Variants in NCOA7 observed in about 807,000 individuals in gnomAD.
NCOA7 encodes the protein 140 kDa estrogen receptor-associated protein.
Under a neutral mutation model 104.3 loss-of-function variants are expected in NCOA7, and 45 were observed. That is an observed-to-expected ratio of 0.43 (90% CI 0.34 to 0.55). NCOA7 has a LOEUF of 0.55. Among genes scored for constraint, NCOA7 ranks in the 20% least tolerant of loss-of-function variants. The probability of loss-of-function intolerance (pLI) is 0.02; values close to 1 mark genes in which losing one functional copy is unlikely to be tolerated. For missense variants in NCOA7, 1,041 were observed against 1,119.7 expected, an observed-to-expected ratio of 0.93 and a Z score of 1.00; for synonymous variants, 398 against 402.3, an observed-to-expected ratio of 0.99 and a Z score of 0.13.
Position 125,929,568 on chromosome 6 carries a change from T to C in NCOA7, c.*797T>C, listed in dbSNP as rs1788341020. 6.6e-6 allele frequency: 1 copy of C among 152,148 alleles called. No individual in the cohort carries two copies. The highest frequency in any genetic ancestry group is 6.5e-5 in the Admixed American group (1 of 15,284). The allele number at this position is 152,148 out of a possible 1,614,324, so 9.4% of individuals were successfully genotyped here. A position where few individuals can be genotyped will look rare whatever the true frequency, so the allele number is the denominator to read the frequency against. ...AATTTCTAAAAACTCATTATGAATG[T>C]TCATCAATTTGACTATTATAGGCCA... On this transcript the variant is annotated 3_prime_UTR_variant, in exon 16 of 16. Transcript: ENST00000392477.
chr6:125,815,330 T>C lies in NCOA7; in HGVS notation c.-25T>C. ...GATTAAAAAGAGGGACTTTTTCAAATACTTTGCACTTTTGATTGTGTATTA... is the reference window on the plus strand; with the variant it reads ...GATTAAAAAGAGGGACTTTTTCAAACACTTTGCACTTTTGATTGTGTATTA... On this transcript the variant is annotated 5_prime_UTR_variant, in exon 2 of 16. Transcript: ENST00000392477. 1 of 1,580,048 alleles carries C rather than the reference T, an allele frequency of 6.3e-7. No homozygotes were observed. The highest frequency in any genetic ancestry group is 1.4e-5 in the African/African-American group (1 of 73,846).
rs940154439 is a variant in NCOA7 at position 125,927,672 on chromosome 6, G to A, written c.2533G>A (p.Ala845Thr). 2.5e-6 allele frequency: 4 copies of A among 1,613,560 alleles called. No homozygotes were observed. Among genetic ancestry groups the A allele is most frequent in the African/African-American group, 1.3e-5 (1 of 74,896 alleles). ...TGTTTTCTTTTGACAGATTTTTGGA[G>A]CATATGCAACTCATCCTTTCAAGTT... is the stretch of plus-strand genomic sequence containing the variant. ...IKDMDNQIFG[A>T]YATHPFKFSD... The change falls in exon 14 of 16, where the codon GCA becomes ACA. Residue 845 changes from alanine (A) to threonine (T), a missense_variant. Physicochemically the swap from Ala to Thr is moderately conservative, Grantham distance 58. Coordinates refer to ENST00000392477, the MANE Select transcript of NCOA7 (RefSeq NM_181782.5).
chr6:125,853,270 CTT>C (rs2128618102), intron 2 of NCOA7, among the ~76,000 whole-genome samples: 1 of 152,250 alleles, frequency 6.6e-6, no homozygotes, highest in South Asian at 2.1e-4. Flanking sequence ...TATCCTGAGA[CTT>C]TACTGAATTT....
At position 125,802,338 on chromosome 6, in the gene NCOA7, C is replaced by T. The variant is rs556048088; in HGVS notation, c.-65+11271C>T. 3.3e-5 allele frequency: 5 copies of T among 152,308 alleles called. No individual in the cohort carries two copies. The East Asian group carries it at 9.7e-4, about 29-fold the overall frequency. The allele number at this position is 152,308 out of a possible 1,614,324, so 9.4% of individuals were successfully genotyped here. A position where few individuals can be genotyped will look rare whatever the true frequency, so the allele number is the denominator to read the frequency against. On this transcript the variant is annotated intron_variant, in intron 1 of 15. Transcript: ENST00000392477. The stretch of plus-strand genomic sequence containing the variant: ...TTGCAGGTTGACTGTGGTTTAGCTA[C>T]TCCTGGCTGGGTTCTGCAGGCTGGC...
intron 11 of NCOA7, among the ~76,000 whole-genome samples, chr6:125,915,908 G>A (rs1310006495): frequency 2.6e-5 from 4 of 152,144 alleles, no homozygotes; most frequent in African/African-American, 9.7e-5. Flanking sequence ...TAGTTATTAT[G>A]TGTCACAAAA....
chr6:125,800,554 T>C (rs951427536), intron 1 of NCOA7, among the ~76,000 whole-genome samples: 2 of 152,248 alleles, frequency 1.3e-5, no homozygotes, highest in Non-Finnish European at 2.9e-5. Flanking sequence ...TACTTAGCCA[T>C]AACAAGTCAA....
In NCOA7 at chr6:125,797,971, A is replaced by T. The variant is rs578139558; in HGVS notation, c.-65+6904A>T. The stretch of plus-strand genomic sequence containing the variant: ...AATATTCACAAAACAGGAACTTAAG[A>T]TGGCCAAGACATGAAAATAATACTG... On this transcript the variant is annotated intron_variant, in intron 1 of 15. Coordinates refer to ENST00000392477, the MANE Select transcript of NCOA7 (RefSeq NM_181782.5). 2.6e-5 allele frequency: 4 copies of T among 152,358 alleles called. No homozygotes were observed. The East Asian group carries it at 7.7e-4, about 29-fold the overall frequency. 9.4% of individuals were successfully genotyped at this position (152,358 alleles called of 1,614,324 possible).
chr6:125,885,086 A>C (rs1784146499), intron 7 of NCOA7, 73 bp from the exon 8 acceptor site: 1 of 1,509,390 alleles, frequency 6.6e-7, no homozygotes, highest in Non-Finnish European at 9.1e-7. Flanking sequence ...CATCTGAGTT[A>C]ATTAAAGCTC....
chr6:125,855,382 A>G, intron 3 of NCOA7, 142 bp downstream of exon 3: 1 of 633,614 alleles, frequency 1.6e-6, no homozygotes, highest in Non-Finnish European at 2.7e-6. Flanking sequence ...TGCTTTACAT[A>G]CATAATCTTG....
chr6:125,812,977 G>A (rs1313189651), intron 1 of NCOA7, among the ~76,000 whole-genome samples: 4 of 151,992 alleles, frequency 2.6e-5, no homozygotes, highest in Non-Finnish European at 2.9e-5. Context: ...CTAGTTTTGG[G>A]TGCTCCTCCC....
intron 2 of NCOA7, among the ~76,000 whole-genome samples, chr6:125,832,240 A>C (rs903184480): frequency 1.3e-5 from 2 of 152,208 alleles, no homozygotes; most frequent in African/African-American, 4.8e-5. Flanking sequence ...CTTCCATGAC[A>C]GTCAATCTCT....
chr6:125,816,145 C>T (rs2128572992), intron 2 of NCOA7, among the ~76,000 whole-genome samples: 1 of 152,256 alleles, frequency 6.6e-6, no homozygotes. Flanking sequence ...TCCCCAGTCC[C>T]CAGGCTGTGC....
At chr6:125,905,493 C>T (rs1272846552) in intron 10 of NCOA7, among the ~76,000 whole-genome samples, 1 of 152,106 alleles carries the variant, frequency 6.6e-6, no homozygotes, top group African/African-American at 2.4e-5. Context: ...AACTCCTGAC[C>T]TCAAATGATC....
chr6:125,920,751 T>C (rs1365226228), intron 11 of NCOA7, among the ~76,000 whole-genome samples, 192 bp from the exon 12 acceptor site: 1 of 152,214 alleles, frequency 6.6e-6, no homozygotes, highest in African/African-American at 2.4e-5. Flanking sequence ...ACTGCCTCGA[T>C]TGTACTGTCT....
At chr6:125,892,486 C>T (rs192757142) in intron 10 of NCOA7, among the ~76,000 whole-genome samples, 13 of 152,228 alleles carry the variant, frequency 8.5e-5, no homozygotes, top group African/African-American at 2.9e-4. Context: ...GCCTGGCCAA[C>T]ATGGTGAAAC....
At chr6:125,910,795 G>C (rs982537321) in intron 10 of NCOA7, among the ~76,000 whole-genome samples, 11 of 152,184 alleles carry the variant, frequency 7.2e-5, no homozygotes, top group Non-Finnish European at 1.3e-4. Flanking sequence ...GTACACTCTT[G>C]AAAACAACCC....
At chr6:125,862,066 A>G (rs1396529524) in intron 3 of NCOA7, among the ~76,000 whole-genome samples, 1 of 124,646 alleles carries the variant, frequency 8.0e-6, no homozygotes, top group East Asian at 2.2e-4. Flanking sequence ...AAAAAAAAAG[A>G]AAGTGATAAG....
intron 1 of NCOA7, among the ~76,000 whole-genome samples, chr6:125,807,437 C>T (rs1181275172): frequency 2.6e-5 from 4 of 151,992 alleles, no homozygotes; most frequent in Admixed American, 6.6e-5. Context: ...TGGGTTTTTT[C>T]GAGGTGAGGG....
chr6:125,804,804 T>G (rs1381891336), intron 1 of NCOA7, among the ~76,000 whole-genome samples: 1 of 152,084 alleles, frequency 6.6e-6, no homozygotes, highest in Non-Finnish European at 1.5e-5. Flanking sequence ...AAAGAAAAAT[T>G]CCAAATTCTG....
Sources: gnomAD v4.1 joint callset for allele counts (sites outside exome capture counted in the v4.1 genomes callset) on GRCh38, gnomAD v4.1.1 for gene constraint, MANE v1.5 for transcripts, NCBI Gene and HGNC (gene_info 2026-07-23, HGNC 2026-07-21) for gene names.